Variants in FRYL observed in about 807,000 individuals in gnomAD.
The protein encoded by FRYL is FRY like transcription coactivator.
In FRYL, 150 loss-of-function variants were observed where a neutral mutation model predicts 351.2. That is an observed-to-expected ratio of 0.43 (90% CI 0.37 to 0.49). FRYL has a LOEUF of 0.49. Ranked by LOEUF, FRYL falls within the 20% of genes least tolerant of loss-of-function variation. The probability of loss-of-function intolerance (pLI) is 0.00; values close to 1 mark genes in which losing one functional copy is unlikely to be tolerated. For missense variants in FRYL, 3,036 were observed against 3,619.3 expected (o/e 0.84, Z 4.13); for synonymous variants, 1,153 against 1,257.1 (o/e 0.92, Z 1.75).
At chr4:48,709,917 GCT>G (rs1244421574) in intron 2 of FRYL, among the ~76,000 whole-genome samples, 1 of 152,052 alleles carries the variant, frequency 6.6e-6, no homozygotes, top group Non-Finnish European at 1.5e-5. Flanking sequence ...TGGTCGACTG[GCT>G]CAAAATGAAC....
intron 3 of FRYL, among the ~76,000 whole-genome samples, chr4:48,639,548 T>C (rs1246213138): frequency 6.6e-6 from 1 of 151,806 alleles, no homozygotes; most frequent in Non-Finnish European, 1.5e-5. Context: ...AAATGGATCA[T>C]AGATCTAGAT....
chr4:48,672,195 G>A (rs1762864479), intron 3 of FRYL, among the ~76,000 whole-genome samples: 1 of 152,160 alleles, frequency 6.6e-6, no homozygotes, highest in Admixed American at 6.5e-5. Context: ...AAATTGATAG[G>A]TGAGGTTAAC....
Position 48,763,198 on chromosome 4 carries a change from T to C in FRYL, c.-384+16880A>G, listed in dbSNP as rs552367662. Among the ~76,000 whole-genome samples the C allele has an allele frequency of 7.9e-5, 12 of 151,632 alleles. No individual in the cohort carries two copies. In the East Asian group the frequency reaches 2.3e-3, roughly 29 times the overall value. On this transcript the variant is annotated intron_variant, in intron 1 of 63. Transcript: ENST00000358350. The stretch of plus-strand genomic sequence containing the variant: ...CTTGGAGGCCAGGCAAGGTGGCTCA[T>C]GCCTCTAATTCCAAGCACTTTGAGA...
intron 2 of FRYL, among the ~76,000 whole-genome samples, chr4:48,690,382 C>G (rs1765576906): frequency 6.6e-6 from 1 of 151,970 alleles, no homozygotes; most frequent in Middle Eastern, 3.2e-3. Flanking sequence ...CCTAGAATAA[C>G]CAACCCTAAT....
At chr4:48,571,928 G>A in intron 26 of FRYL, 6 of 984,948 alleles carry the variant, frequency 6.1e-6, no homozygotes, top group Non-Finnish European at 7.2e-6. Flanking sequence ...CTGCTATTTT[G>A]TTTTGTTTCA....
intron 9 of FRYL, 112 bp from the exon 10 acceptor site, chr4:48,606,718 T>C (rs910775544): frequency 2.8e-6 from 2 of 710,222 alleles, no homozygotes; most frequent in African/African-American, 1.8e-5. Context: ...CTCCTTTCTC[T>C]ACCTTCATTA....
At chr4:48,721,298 G>A (rs1250095381) in intron 1 of FRYL, among the ~76,000 whole-genome samples, 1 of 151,820 alleles carries the variant, frequency 6.6e-6, no homozygotes, top group African/African-American at 2.4e-5. Flanking sequence ...GAATGGGGAA[G>A]TACAAAACAA....
intron 44 of FRYL, among the ~76,000 whole-genome samples, chr4:48,542,492 A>G (rs532166684): frequency 2.6e-5 from 4 of 152,230 alleles, no homozygotes; most frequent in East Asian, 1.9e-4. Context: ...TCTTGGCTCA[A>G]TGCAACCTCT....
chr4:48,749,160 T>C (rs576051303), intron 1 of FRYL, among the ~76,000 whole-genome samples: 6 of 152,300 alleles, frequency 3.9e-5, no homozygotes, highest in African/African-American at 1.4e-4. Context: ...GGGAACCCAC[T>C]GCAGGGCGGA....
chr4:48,713,420 AG>A (rs1225130433), intron 1 of FRYL, among the ~76,000 whole-genome samples: 1 of 152,172 alleles, frequency 6.6e-6, no homozygotes, highest in Non-Finnish European at 1.5e-5. Context: ...AAAGGGATGG[AG>A]GAAGATCTAC....
chr4:48,542,212 C>T, intron 44 of FRYL, 91 bp from the exon 45 acceptor site: 1 of 855,720 alleles, frequency 1.2e-6, no homozygotes, highest in South Asian at 1.5e-5. Flanking sequence ...ATAGAACAAA[C>T]TCCATGTTAT....
intron 3 of FRYL, chr4:48,653,624 T>C (rs1228590603): frequency 3.6e-6 from 3 of 831,996 alleles, no homozygotes; most frequent in Non-Finnish European, 5.0e-6. Flanking sequence ...TTTTTATCTA[T>C]TTGGATTGGT....
intron 47 of FRYL, among the ~76,000 whole-genome samples, chr4:48,536,320 G>C (rs1728874118): frequency 6.6e-6 from 1 of 152,180 alleles, no homozygotes; most frequent in Non-Finnish European, 1.5e-5. Flanking sequence ...ATGTGTGACA[G>C]TCAAAGGACA....
chr4:48,737,403 A>G (rs1256160178), intron 1 of FRYL, among the ~76,000 whole-genome samples: 5 of 152,222 alleles, frequency 3.3e-5, no homozygotes, highest in African/African-American at 1.2e-4. Context: ...CAATTCCTTG[A>G]AAGCCATAAT....
intron 3 of FRYL, among the ~76,000 whole-genome samples, chr4:48,655,783 T>C (rs1204571596): frequency 6.9e-6 from 1 of 145,432 alleles, no homozygotes; most frequent in African/African-American, 2.5e-5. Flanking sequence ...ACATTCTGTA[T>C]TATATAATCA....
chr4:48,759,661 G>C (rs1236752599), intron 1 of FRYL, among the ~76,000 whole-genome samples: 2 of 152,110 alleles, frequency 1.3e-5, no homozygotes, highest in African/African-American at 4.8e-5. Flanking sequence ...TGTTGCCCAG[G>C]CTGGTCTCAA....
chr4:48,750,277 A>G (rs2149664109), intron 1 of FRYL, among the ~76,000 whole-genome samples: 1 of 152,140 alleles, frequency 6.6e-6, no homozygotes, highest in South Asian at 2.1e-4. Context: ...CCTGGGCAAC[A>G]TGGGGAAACC....
intron 35 of FRYL, among the ~76,000 whole-genome samples, chr4:48,553,801 C>T (rs889729326): frequency 2.7e-4 from 41 of 152,224 alleles, no homozygotes; most frequent in African/African-American, 9.9e-4. Flanking sequence ...TCCGCCTTCC[C>T]CATTCCCTAT....
At chr4:48,681,173 C>T in intron 3 of FRYL, 1 of 843,458 alleles carries the variant, frequency 1.2e-6, no homozygotes, top group Non-Finnish European at 1.5e-6. Flanking sequence ...CAGAAAGGTG[C>T]CTATACCAAC....
Sources: gnomAD v4.1 joint callset for allele counts (sites outside exome capture counted in the v4.1 genomes callset) on GRCh38, gnomAD v4.1.1 for gene constraint, MANE v1.5 for transcripts, NCBI Gene and HGNC (gene_info 2026-07-23, HGNC 2026-07-21) for gene names.